The following PRKG1 variants were observed in gnomAD, a reference collection of about 807,000 sequenced individuals.
PRKG1 encodes protein kinase cGMP-dependent 1, also known as cGMP-dependent protein kinase 1.
PRKG1 carries 35 observed loss-of-function variants against 88.1 expected under a neutral mutation model. The observed-to-expected ratio is 0.40, with a 90% CI of 0.30 to 0.53. The LOEUF (loss-of-function observed/expected upper bound fraction) is 0.53, where lower values mean the gene tolerates loss of function less well. Ranked by LOEUF, PRKG1 falls within the 20% of genes least tolerant of loss-of-function variation. PRKG1 has a pLI of 0.59. For synonymous variants in PRKG1, 303 were observed against 292.5 expected (o/e 1.04, Z -0.37); for missense variants, 540 against 839.8 (o/e 0.64, Z 4.41).
intron 9 of PRKG1, among the ~76,000 whole-genome samples, chr10:52,162,654 AG>A (rs1838307920): frequency 6.6e-6 from 1 of 152,160 alleles, no homozygotes; most frequent in Admixed American, 6.5e-5. Context: ...CAGATAGTTC[AG>A]GGCCAGAATT....
chr10:51,104,004 A>G (rs1450756395), intron 1 of PRKG1, among the ~76,000 whole-genome samples: 1 of 152,176 alleles, frequency 6.6e-6, no homozygotes, highest in Non-Finnish European at 1.5e-5. Flanking sequence ...TTCAGTAATG[A>G]TCTCACCACA....
chr10:51,125,734 G>A (rs917716311), intron 1 of PRKG1, among the ~76,000 whole-genome samples: 2 of 144,316 alleles, frequency 1.4e-5, no homozygotes, highest in Admixed American at 7.0e-5. Flanking sequence ...TATAAATTAT[G>A]TGTTTTTAAA....
intron 4 of PRKG1, among the ~76,000 whole-genome samples, chr10:51,854,543 A>T (rs1840633019): frequency 6.6e-6 from 1 of 152,208 alleles, no homozygotes; most frequent in African/African-American, 2.4e-5. Flanking sequence ...ACCATTATAA[A>T]AATCACAAGG....
intron 1 of PRKG1, among the ~76,000 whole-genome samples, chr10:51,099,169 GCC>G (rs562461386): frequency 5.6e-4 from 85 of 152,170 alleles, no homozygotes; most frequent in African/African-American, 1.9e-3. Flanking sequence ...ATCTAAAGGA[GCC>G]CTTCTCTGAG....
chr10:51,828,652 T>C (rs369958116), intron 4 of PRKG1, among the ~76,000 whole-genome samples: 2 of 152,202 alleles, frequency 1.3e-5, no homozygotes, highest in Non-Finnish European at 2.9e-5. Flanking sequence ...AATTTTGTTC[T>C]AATGAAGGCT....
At chr10:51,823,513 T>C (rs920989212) in intron 4 of PRKG1, among the ~76,000 whole-genome samples, 1 of 152,022 alleles carries the variant, frequency 6.6e-6, no homozygotes, top group Non-Finnish European at 1.5e-5. Context: ...ATTTCTTCTG[T>C]CTTCATATCT....
At chr10:51,467,618 C>A in intron 2 of PRKG1, 105 bp from the exon 3 acceptor site, 1 of 824,232 alleles carries the variant, frequency 1.2e-6, no homozygotes, top group Non-Finnish European at 1.9e-6. Context: ...TAATTGGTAA[C>A]TGCATTTTTA....
At chr10:51,884,297 T>C (rs1193125468) in intron 4 of PRKG1, among the ~76,000 whole-genome samples, 1 of 148,680 alleles carries the variant, frequency 6.7e-6, no homozygotes, top group Non-Finnish European at 1.5e-5. Flanking sequence ...ATACAAAAAT[T>C]AGCCAGGCGT....
chr10:51,338,681 G>C (rs1171312365), intron 2 of PRKG1, among the ~76,000 whole-genome samples: 1 of 152,172 alleles, frequency 6.6e-6, no homozygotes, highest in Non-Finnish European at 1.5e-5. Flanking sequence ...TTCTAAAGTA[G>C]TTATCATTAG....
chr10:51,995,273 C>T (rs940949441), intron 5 of PRKG1, among the ~76,000 whole-genome samples: 16 of 152,100 alleles, frequency 1.1e-4, no homozygotes, highest in African/African-American at 2.9e-4. Context: ...CTTAATCAGA[C>T]GCCTGTTTTA....
intron 1 of PRKG1, among the ~76,000 whole-genome samples, chr10:51,026,391 A>G (rs1247933215): frequency 6.6e-6 from 1 of 152,142 alleles, no homozygotes; most frequent in African/African-American, 2.4e-5. Context: ...TCCAAATTCA[A>G]CCTCTTACAT....
At chr10:51,304,113 C>A (rs189976970) in intron 2 of PRKG1, among the ~76,000 whole-genome samples, 98 of 152,158 alleles carry the variant, frequency 6.4e-4, no homozygotes, top group African/African-American at 2.3e-3. Context: ...AGCCACCGTG[C>A]CCGGACAAAA....
In PRKG1 at chr10:52,256,586, T is replaced by C. The variant is rs141167128; in HGVS notation, c.1173+4920T>C. ...CCTCAAAATAGTGTCTCACACATCA[T>C]AGGTCAGTAAATGGTGTTAATGTTG... On this transcript the variant is annotated intron_variant, in intron 10 of 17. Coordinates refer to ENST00000373980, the MANE Select transcript of PRKG1 (RefSeq NM_006258.4). 1.1e-3 allele frequency among the ~76,000 whole-genome samples: 157 copies of C among 140,172 alleles called. 19 individuals carry two copies. In the East Asian group the frequency reaches 0.023, roughly 21 times the overall value. The allele number at this position is 140,172 out of a possible 152,430, so 92.0% of individuals were successfully genotyped here.
rs534089730 is a variant in PRKG1 at position 51,392,564 on chromosome 10, T to C, written c.479-75159T>C. Among the ~76,000 whole-genome samples, 96 of 152,048 alleles carry C rather than the reference T, an allele frequency of 6.3e-4. 1 individual carries two copies. The East Asian group carries it at 0.016, about 26-fold the overall frequency. The stretch of plus-strand genomic sequence containing the variant: ...ACAGACACGGCAACCATCCGATTTC[T>C]CAATCTTTTCCCCACCTTTCCCCCC... On this transcript the variant is annotated intron_variant, in intron 2 of 17. Transcript: ENST00000373980.
At chr10:52,098,322 C>T (rs1847219872) in intron 7 of PRKG1, among the ~76,000 whole-genome samples, 1 of 152,122 alleles carries the variant, frequency 6.6e-6, no homozygotes, top group Non-Finnish European at 1.5e-5. Flanking sequence ...GTAAACATGT[C>T]CCTGAATTAC....
intron 3 of PRKG1, among the ~76,000 whole-genome samples, chr10:51,612,399 T>C (rs990709437): frequency 4.6e-5 from 7 of 152,018 alleles, no homozygotes; most frequent in African/African-American, 1.4e-4. Context: ...CTATTGTAAA[T>C]GGGATTGCCC....
intron 5 of PRKG1, chr10:51,909,892 T>C (rs1256907403): frequency 1.3e-5 from 2 of 152,216 alleles, no homozygotes; most frequent in African/African-American, 2.4e-5. Flanking sequence ...AAGATATTAC[T>C]GAAGCAGGGG....
At chr10:51,481,587 C>T (rs531666265) in intron 3 of PRKG1, among the ~76,000 whole-genome samples, 4 of 152,232 alleles carry the variant, frequency 2.6e-5, no homozygotes, top group African/African-American at 9.6e-5. Flanking sequence ...TTTTAGTGTA[C>T]ATTAATTTAA....
intron 5 of PRKG1, among the ~76,000 whole-genome samples, chr10:51,935,397 G>A (rs1158433184): frequency 6.6e-6 from 1 of 152,002 alleles, no homozygotes. Context: ...AAACACAAGA[G>A]CAATTATTGG....
Sources: allele counts gnomAD v4.1 joint callset (sites outside exome capture counted in the v4.1 genomes callset), GRCh38; gene constraint gnomAD v4.1.1; transcripts MANE v1.5; gene names NCBI Gene and HGNC (gene_info 2026-07-23, HGNC 2026-07-21).